The following DENND1A variants were observed in gnomAD, a reference collection of about 807,000 sequenced individuals.
DENND1A encodes DENN domain containing 1A, also known as DENN domain-containing protein 1A.
A neutral mutation model predicts 113.7 loss-of-function variants in DENND1A; 51 were observed. That is an observed-to-expected ratio of 0.45 (90% CI 0.36 to 0.57). The LOEUF (loss-of-function observed/expected upper bound fraction) is 0.57. Among genes scored for constraint, DENND1A ranks in the 20% least tolerant of loss-of-function variants. The probability of loss-of-function intolerance (pLI) is 0.00; values close to 1 mark genes in which losing one functional copy is unlikely to be tolerated. For synonymous variants in DENND1A, 565 were observed against 570.8 expected (o/e 0.99, Z 0.14); for missense variants, 1,258 against 1,395.9 (o/e 0.90, Z 1.57).
At chr9:123,436,394 G>A (rs988867102) in intron 19 of DENND1A, among the ~76,000 whole-genome samples, 1 of 152,206 alleles carries the variant, frequency 6.6e-6, no homozygotes. Context: ...ACATTCTCAG[G>A]TGAAGTGTTT....
intron 5 of DENND1A, among the ~76,000 whole-genome samples, chr9:123,755,964 A>T (rs1003297732): frequency 6.6e-6 from 1 of 152,146 alleles, no homozygotes; most frequent in African/African-American, 2.4e-5. Flanking sequence ...AAGCTGGAGT[A>T]CAGTGGCACG....
chr9:123,596,371 A>G lies in DENND1A; in HGVS notation c.765+13065T>C, dbSNP rs186143215. Among the ~76,000 whole-genome samples the G allele has an allele frequency of 6.7e-3, 1,016 of 152,366 alleles. 9 individuals are homozygous for G. The highest frequency in any genetic ancestry group is 0.012 in the Non-Finnish European group (789 of 68,036). On this transcript the variant is annotated intron_variant, in intron 11 of 23. Coordinates refer to ENST00000394215, the MANE Select transcript of DENND1A (RefSeq NM_001352964.2). Reference sequence around the variant, plus strand: ...GGTAATGTTTACCACTGGTACCTGTAAAGCAGTGTTGAATTTTTGAACATA... The same window carrying G: ...GGTAATGTTTACCACTGGTACCTGTGAAGCAGTGTTGAATTTTTGAACATA...
chr9:123,441,155 G>A (rs1588543779), intron 18 of DENND1A, among the ~76,000 whole-genome samples: 1 of 152,222 alleles, frequency 6.6e-6, no homozygotes, highest in East Asian at 1.9e-4. Flanking sequence ...CTATCAAATT[G>A]CTTTCCAATT....
At chr9:123,776,954 A>G (rs1428236339) in intron 3 of DENND1A, among the ~76,000 whole-genome samples, 1 of 152,240 alleles carries the variant, frequency 6.6e-6, no homozygotes, top group African/African-American at 2.4e-5. Context: ...TCCAAAGTCC[A>G]CACAGAATAG....
At chr9:123,674,141 G>A (rs2063901048) in intron 6 of DENND1A, among the ~76,000 whole-genome samples, 1 of 151,920 alleles carries the variant, frequency 6.6e-6, no homozygotes, top group Non-Finnish European at 1.5e-5. Context: ...TCTCCCTCAG[G>A]CTCCGACACC....
intron 19 of DENND1A, among the ~76,000 whole-genome samples, chr9:123,412,171 G>A (rs527849914): frequency 2.0e-5 from 3 of 152,098 alleles, no homozygotes; most frequent in African/African-American, 4.8e-5. Context: ...GTCCTTGGGC[G>A]CCTGCTCAAG....
intron 2 of DENND1A, among the ~76,000 whole-genome samples, chr9:123,874,500 G>A (rs1457439105): frequency 6.6e-6 from 1 of 152,094 alleles, no homozygotes; most frequent in Non-Finnish European, 1.5e-5. Context: ...AGCTACTAAG[G>A]AGGCTAGTAC....
intron 13 of DENND1A, among the ~76,000 whole-genome samples, chr9:123,546,658 T>G (rs1340197262): frequency 6.6e-6 from 1 of 152,174 alleles, no homozygotes; most frequent in East Asian, 1.9e-4. Flanking sequence ...CATTCATTTG[T>G]TCATCCAGTC....
At chr9:123,450,666 T>C in intron 18 of DENND1A, 27 bp downstream of exon 18, 9 of 1,601,284 alleles carry the variant, frequency 5.6e-6, no homozygotes, top group Non-Finnish European at 6.8e-6. Flanking sequence ...ATGGTGCTTA[T>C]ACATTTTGAA....
intron 13 of DENND1A, among the ~76,000 whole-genome samples, chr9:123,540,517 T>C (rs948331503): frequency 6.6e-6 from 1 of 152,140 alleles, no homozygotes; most frequent in Non-Finnish European, 1.5e-5. Flanking sequence ...TAAGATGACA[T>C]AAGCCACTCC....
At chr9:123,419,041 G>A (rs886949061) in intron 19 of DENND1A, among the ~76,000 whole-genome samples, 2 of 152,268 alleles carry the variant, frequency 1.3e-5, no homozygotes, top group Admixed American at 6.5e-5. Flanking sequence ...GGACAGCAGG[G>A]CCACACAGAA....
At chr9:123,927,468 A>T (rs1857311671) in intron 1 of DENND1A, among the ~76,000 whole-genome samples, 1 of 152,212 alleles carries the variant, frequency 6.6e-6, no homozygotes, top group African/African-American at 2.4e-5. Context: ...GGTGAAAAAA[A>T]AGAAAAAAAC....
At chr9:123,581,664 T>G (rs921409719) in intron 12 of DENND1A, among the ~76,000 whole-genome samples, 28 of 151,684 alleles carry the variant, frequency 1.8e-4, no homozygotes, top group African/African-American at 6.3e-4. Context: ...CAAGACTTCA[T>G]CAACTAATAG....
At chr9:123,680,963 G>A (rs557292208) in intron 5 of DENND1A, among the ~76,000 whole-genome samples, 2 of 152,256 alleles carry the variant, frequency 1.3e-5, no homozygotes, top group South Asian at 2.1e-4. Flanking sequence ...AGGGGAGGAA[G>A]CTGTCCTCCC....
intron 11 of DENND1A, among the ~76,000 whole-genome samples, chr9:123,588,699 A>T (rs1328881654): frequency 1.3e-5 from 2 of 150,604 alleles, no homozygotes; most frequent in East Asian, 3.9e-4. Flanking sequence ...CCATTTGGAG[A>T]CAATGTTTTG....
At chr9:123,859,517 T>C (rs7035971) in intron 2 of DENND1A, among the ~76,000 whole-genome samples, 2,867 of 150,862 alleles carry the variant, frequency 0.019, 92 homozygotes, top group African/African-American at 0.068. Flanking sequence ...TTAATAAGAA[T>C]TTGGACTGTA....
chr9:123,598,343 T>C (rs559379482), intron 11 of DENND1A, among the ~76,000 whole-genome samples: 66 of 151,692 alleles, frequency 4.4e-4, no homozygotes, highest in Non-Finnish European at 8.1e-4. Context: ...CAGTGCATAA[T>C]GATGTCATTA....
intron 13 of DENND1A, among the ~76,000 whole-genome samples, chr9:123,484,588 G>A (rs1024002358): frequency 2.0e-5 from 3 of 152,148 alleles, no homozygotes; most frequent in Non-Finnish European, 2.9e-5. Context: ...GCCCCTGCCT[G>A]TCCTTCCTGC....
chr9:123,608,703 C>T (rs893134677), intron 11 of DENND1A, among the ~76,000 whole-genome samples: 2 of 152,170 alleles, frequency 1.3e-5, no homozygotes, highest in African/African-American at 4.8e-5. Flanking sequence ...AGGCAAAATG[C>T]AGATAAAGCC....
Sources: allele counts gnomAD v4.1 joint callset (sites outside exome capture counted in the v4.1 genomes callset), GRCh38; gene constraint gnomAD v4.1.1; transcripts MANE v1.5; gene names NCBI Gene and HGNC (gene_info 2026-07-23, HGNC 2026-07-21).